Variants in VPS13A observed in about 807,000 individuals in gnomAD.
VPS13A encodes intermembrane lipid transfer protein VPS13A.
A neutral mutation model predicts 390.9 loss-of-function variants in VPS13A; 264 were observed. That is an observed-to-expected ratio of 0.68 (90% confidence interval 0.61 to 0.75). The LOEUF (loss-of-function observed/expected upper bound fraction) is 0.75. VPS13A is among the 30% of genes least tolerant of loss of function. The probability of loss-of-function intolerance (pLI) is 0.00; values close to 1 mark genes in which losing one functional copy is unlikely to be tolerated. For missense variants in VPS13A, 3,409 were observed against 3,733.9 expected, an observed-to-expected ratio of 0.91 and a Z score of 2.27; for synonymous variants, 1,231 against 1,227.1, an observed-to-expected ratio of 1.00 and a Z score of -0.07.
chr9:77,184,703 T>A (rs1824227668), intron 1 of VPS13A, among the ~76,000 whole-genome samples: 1 of 152,214 alleles, frequency 6.6e-6, no homozygotes, highest in Admixed American at 6.5e-5. Flanking sequence ...TTTTTTCTTT[T>A]TTAATCTGTT....
At chr9:77,314,345 A>G (rs1829259714) in intron 36 of VPS13A, 150 bp from the exon 37 acceptor site, 4 of 903,314 alleles carry the variant, frequency 4.4e-6, no homozygotes, top group Non-Finnish European at 5.0e-6. Context: ...AGTGATATGT[A>G]TATATTTTTA....
At chr9:77,322,553 T>C (rs189357634) in intron 44 of VPS13A, among the ~76,000 whole-genome samples, 462 of 151,902 alleles carry the variant, frequency 3.0e-3, no homozygotes, top group Middle Eastern at 0.014. Context: ...TTTTTTAACA[T>C]TTTTATGGAT....
rs1826938516 is a variant in VPS13A at position 77,280,209 on chromosome 9, G to A, written c.2875G>A (p.Glu959Lys). 6.2e-7 allele frequency: 1 copy of A among 1,612,786 alleles called. No homozygotes were observed. Among genetic ancestry groups the A allele is most frequent in the Admixed American group, 1.7e-5 (1 of 60,000 alleles). The change falls in exon 27 of 72, where the codon GAA becomes AAA. Residue 959 changes from glutamate to lysine, a missense_variant. Around this residue, in one of 5 missense-constraint regions of VPS13A, gnomAD observed 2,717 missense variants for 2,917.4 expected, o/e 0.93. Coordinates refer to ENST00000360280, the MANE Select transcript of VPS13A (RefSeq NM_033305.3). ...YLVTTLDNTMEDLLTLEYVKA... is the reference protein window; with the variant it reads ...YLVTTLDNTMKDLLTLEYVKA... ...GGTTACAACCCTGGATAACACAATG[G>A]AAGACCTGTTAACGCTGGAATATGT...
Position 77,221,281 on chromosome 9 carries a change from G to A in VPS13A, c.1086G>A (p.Val362=). 1 of 1,613,480 alleles carries A rather than the reference G, an allele frequency of 6.2e-7. No homozygotes were observed. The highest frequency in any genetic ancestry group is 8.5e-7 in the Non-Finnish European group (1 of 1,179,582). ...ATATTAGAAAACATAGGCAAAAAGTGAAGCAATATAAAGAACTGTATAAAA... is the reference window on the plus strand; with the variant it reads ...ATATTAGAAAACATAGGCAAAAAGTAAAGCAATATAAAGAACTGTATAAAA... ...WKHIRKHRQK[V]KQYKELYKKK... The change falls in exon 13 of 72, where the codon GTG becomes GTA. Residue 362 remains valine (V), a synonymous_variant. Coordinates refer to ENST00000360280, the MANE Select transcript of VPS13A (RefSeq NM_033305.3).
intron 68 of VPS13A, among the ~76,000 whole-genome samples, chr9:77,394,315 C>G (rs1003626129): frequency 1.3e-5 from 2 of 151,980 alleles, no homozygotes; most frequent in African/African-American, 4.8e-5. Context: ...GATCCGCCCA[C>G]CATGGCCTCC....
At chr9:77,291,826 A>G (rs150802265) in intron 31 of VPS13A, among the ~76,000 whole-genome samples, 1 of 152,158 alleles carries the variant, frequency 6.6e-6, no homozygotes, top group African/African-American at 2.4e-5. Flanking sequence ...TCAGAAATGG[A>G]GTATTCTTGG....
In VPS13A at chr9:77,369,575, T is replaced by A. The variant is rs531579923; in HGVS notation, c.8667+163T>A. The stretch of plus-strand genomic sequence containing the variant: ...CAATGGTAAGAGGTTTTGGGGGACA[T>A]TTTTACCCTTTTCCTCAAAATTTAA... On this transcript the variant is annotated intron_variant, in intron 63 of 71. Transcript: ENST00000360280. Among the ~76,000 whole-genome samples, 6 of 152,266 alleles carry A rather than the reference T, an allele frequency of 3.9e-5. No homozygotes were observed. The South Asian group carries it at 8.3e-4, about 21-fold the overall frequency.
chr9:77,327,854 G>C (rs952397448), intron 45 of VPS13A, among the ~76,000 whole-genome samples: 3 of 151,926 alleles, frequency 2.0e-5, no homozygotes, highest in Non-Finnish European at 2.9e-5. Context: ...CCTCAAAGTC[G>C]TCCATGAGGG....
At chr9:77,340,929 T>A (rs780788316) in intron 50 of VPS13A, among the ~76,000 whole-genome samples, 2 of 152,170 alleles carry the variant, frequency 1.3e-5, no homozygotes, top group Non-Finnish European at 2.9e-5. Flanking sequence ...TTCAAGTTAT[T>A]TGAGGAGAGT....
chr9:77,384,933 G>T, intron 68 of VPS13A: 1 of 1,270,448 alleles, frequency 7.9e-7, no homozygotes, highest in South Asian at 2.0e-5. Flanking sequence ...GCTTTGTATT[G>T]CATAGTTTGT....
chr9:77,225,155 C>A (rs1823434133), intron 13 of VPS13A, among the ~76,000 whole-genome samples: 1 of 152,296 alleles, frequency 6.6e-6, no homozygotes, highest in Middle Eastern at 3.4e-3. Flanking sequence ...TTGTCTGACA[C>A]TTGCCATACT....
At chr9:77,205,229 G>A (rs1825568814) in intron 3 of VPS13A, 84 bp from the exon 4 acceptor site, 1 of 701,858 alleles carries the variant, frequency 1.4e-6, no homozygotes, top group Non-Finnish European at 2.3e-6. Flanking sequence ...TCTCTTCAAT[G>A]CCTGACAGAA....
At chr9:77,207,247 A>ACG (rs1825718679) in intron 5 of VPS13A, among the ~76,000 whole-genome samples, 8 of 115,768 alleles carry the variant, frequency 6.9e-5, no homozygotes, top group South Asian at 2.7e-4. Flanking sequence ...ATATATATAT[A>ACG]TATATAAAAC....
rs572890909 is a variant in VPS13A at position 77,299,587 on chromosome 9, G to A, written c.3813-3328G>A. On this transcript the variant is annotated intron_variant, in intron 33 of 71. Transcript: ENST00000360280. ...TCCCATTATTGGGTATATACCCAAC[G>A]GATTATGAATCATTCTCCTGTAAAG... 5.9e-5 allele frequency among the ~76,000 whole-genome samples: 9 copies of A among 152,206 alleles called. No individual in the cohort carries two copies. In the East Asian group the frequency reaches 1.2e-3, roughly 20 times the overall value.
At chr9:77,365,025 A>G (rs1443276267) in intron 59 of VPS13A, among the ~76,000 whole-genome samples, 5 of 152,210 alleles carry the variant, frequency 3.3e-5, no homozygotes, top group Non-Finnish European at 1.5e-5. Flanking sequence ...CCACCAATCA[A>G]TTAATGCAAA....
In VPS13A at chr9:77,247,545, A is replaced by T. The variant is rs1219858722; in HGVS notation, c.2037+150A>T. ...GATTTGAGAAATCTCCCTTTCTGTT[A>T]AATAAAGTGAAGTCTCAATTAGGTA... On this transcript the variant is annotated intron_variant, in intron 20 of 71. Transcript: ENST00000360280. 1.2e-5 allele frequency: 11 copies of T among 884,210 alleles called. No individual in the cohort carries two copies. In the African/African-American group the frequency reaches 1.7e-4, roughly 14 times the overall value. 54.8% of individuals were successfully genotyped at this position (884,210 alleles called of 1,614,324 possible).
chr9:77,371,187 T>A (rs1832728956), intron 67 of VPS13A, 38 bp downstream of exon 67: 1 of 1,612,830 alleles, frequency 6.2e-7, no homozygotes, highest in Non-Finnish European at 8.5e-7. Flanking sequence ...GTTAAAATGC[T>A]GAAGCCATGA....
chr9:77,188,443 A>G (rs1404909234), intron 1 of VPS13A, among the ~76,000 whole-genome samples: 1 of 152,094 alleles, frequency 6.6e-6, no homozygotes, highest in African/African-American at 2.4e-5. Context: ...AAAGGGCATG[A>G]TTTTGCTCCT....
At chr9:77,347,356 T>C (rs921903915) in intron 52 of VPS13A, among the ~76,000 whole-genome samples, 1 of 152,252 alleles carries the variant, frequency 6.6e-6, no homozygotes, top group African/African-American at 2.4e-5. Context: ...ATTTAAACTT[T>C]TAAATAAATA....
Sources: gnomAD v4.1 joint callset for allele counts (sites outside exome capture counted in the v4.1 genomes callset) on GRCh38, gnomAD v4.1.1 for gene constraint, gnomAD v4.1.1 regional missense constraint, MANE v1.5 for transcripts, NCBI Gene and HGNC (gene_info 2026-07-23, HGNC 2026-07-21) for gene names.